Variants in FOCAD observed in about 807,000 individuals in gnomAD.
FOCAD encodes focadhesin, also known as KIAA1797.
Under a neutral mutation model 225.6 loss-of-function variants are expected in FOCAD, and 198 were observed. The observed-to-expected ratio is 0.88, with a 90% CI of 0.78 to 0.99. The LOEUF (loss-of-function observed/expected upper bound fraction) is 0.99, where lower values mean the gene tolerates loss of function less well. Ranked by LOEUF, FOCAD falls within the 50% of genes least tolerant of loss-of-function variation. The pLI, the probability that FOCAD is intolerant of heterozygous loss-of-function variation, is 0.00. For missense variants in FOCAD, 2,713 were observed against 2,123.6 expected (o/e 1.28, Z -5.46); for synonymous variants, 897 against 755.0 (o/e 1.19, Z -3.08).
intron 18 of FOCAD, among the ~76,000 whole-genome samples, chr9:20,868,894 T>C (rs893988272): frequency 6.6e-6 from 1 of 152,146 alleles, no homozygotes; most frequent in Non-Finnish European, 1.5e-5. Flanking sequence ...GAATCATTGC[T>C]TCTAAGACCA....
intron 2 of FOCAD, among the ~76,000 whole-genome samples, chr9:20,666,628 A>C (rs1821906698): frequency 6.6e-6 from 1 of 152,202 alleles, no homozygotes; most frequent in African/African-American, 2.4e-5. Flanking sequence ...TATGATTTGG[A>C]ATGAAGTTTC....
At chr9:20,990,510 C>T in intron 42 of FOCAD, 136 bp downstream of exon 42, 2 of 1,089,056 alleles carry the variant, frequency 1.8e-6, no homozygotes, top group Non-Finnish European at 2.6e-6. Flanking sequence ...CATATCTCAG[C>T]CAGATGCAGA....
At chr9:20,954,029 C>G (rs1299113677) in intron 35 of FOCAD, among the ~76,000 whole-genome samples, 1 of 152,062 alleles carries the variant, frequency 6.6e-6, no homozygotes, top group Non-Finnish European at 1.5e-5. Flanking sequence ...CTGGAGCTTC[C>G]AGATTTTGAA....
At chr9:20,974,058 G>A (rs1455189900) in intron 35 of FOCAD, among the ~76,000 whole-genome samples, 5 of 146,600 alleles carry the variant, frequency 3.4e-5, no homozygotes, top group Admixed American at 1.4e-4. Context: ...CTTTTCTGCT[G>A]CTGTTTTCAC....
At chr9:20,892,420 A>G (rs188453077) in intron 21 of FOCAD, among the ~76,000 whole-genome samples, 1 of 152,306 alleles carries the variant, frequency 6.6e-6, no homozygotes, top group Non-Finnish European at 1.5e-5. Context: ...TCCGTGATTT[A>G]TATGAAGAGG....
In FOCAD at chr9:20,982,359, A is replaced by G. The variant is rs1587780436; in HGVS notation, c.4641A>G (p.Arg1547=). 6.2e-7 allele frequency: 1 copy of G among 1,608,132 alleles called. No individual in the cohort carries two copies. Among genetic ancestry groups the G allele is most frequent in the Non-Finnish European group, 8.5e-7 (1 of 1,176,348 alleles). ...TGTTTGGGATTTTTCTTTATCAGAG[A>G]AAGGATCTAGAGCTGTATATCAGCA... ...IFDLLPNKIR[R]KDLELYISIA... Residue 1547 remains arginine (R), a splice_region_variant and synonymous_variant, in exon 39 of 44, where the codon AGA becomes AGG. Transcript: ENST00000338382.
At chr9:20,995,114 G>A (rs1841960932) in intron 43 of FOCAD, among the ~76,000 whole-genome samples, 1 of 152,062 alleles carries the variant, frequency 6.6e-6, no homozygotes, top group Non-Finnish European at 1.5e-5. Context: ...TTGCTCCATT[G>A]AGTACATGAA....
chr9:20,957,028 T>A, intron 35 of FOCAD, among the ~76,000 whole-genome samples: 1 of 152,140 alleles, frequency 6.6e-6, no homozygotes, highest in Non-Finnish European at 1.5e-5. Context: ...TTATAAACTT[T>A]CCCTGTTTTC....
chr9:20,994,001 CTGTG>C (rs774998613), intron 43 of FOCAD, among the ~76,000 whole-genome samples: 49 of 152,256 alleles, frequency 3.2e-4, no homozygotes, highest in African/African-American at 1.1e-3. Context: ...TTTCCTGCTT[CTGTG>C]TGTGTTGTCT....
intron 11 of FOCAD, among the ~76,000 whole-genome samples, chr9:20,808,269 C>T (rs1246119351): frequency 6.6e-6 from 1 of 152,078 alleles, no homozygotes; most frequent in African/African-American, 2.4e-5. Flanking sequence ...ACCTTTTCTT[C>T]CTTTTTCAGT....
intron 10 of FOCAD, chr9:20,787,020 C>G (rs1479901558): frequency 2.2e-6 from 1 of 450,112 alleles, no homozygotes; most frequent in African/African-American, 2.0e-5. Context: ...TGCCCTGGGA[C>G]TGTGCCAGTG....
chr9:20,720,318 GGT>G lies in FOCAD; in HGVS notation c.133-47_133-46del, dbSNP rs112284387. On this transcript the variant is annotated intron_variant, in intron 3 of 43. Coordinates refer to ENST00000338382, the MANE Select transcript of FOCAD (RefSeq NM_001375567.1). ...AATTACTCATTGATGAATGACCAAA[GGT>G]GTGTGTGTGTGTGTTTGCTGCTCAT... The G allele has an allele frequency of 0.014, 18,674 of 1,368,524 alleles. 710 individuals are homozygous for G. The African/African-American group carries it at 0.14, about 10-fold the overall frequency. 84.8% of individuals were successfully genotyped at this position (1,368,524 alleles called of 1,614,324 possible).
At chr9:20,974,638 T>C (rs1181732692) in intron 35 of FOCAD, among the ~76,000 whole-genome samples, 2 of 149,964 alleles carry the variant, frequency 1.3e-5, no homozygotes, top group Non-Finnish European at 2.9e-5. Flanking sequence ...TCTGCTGCTG[T>C]TTTCACGTTT....
chr9:20,935,959 A>T (rs117101508), intron 28 of FOCAD, among the ~76,000 whole-genome samples: 1,566 of 152,362 alleles, frequency 0.01, 9 homozygotes, highest in Admixed American at 0.014. Flanking sequence ...GAAAGATAAA[A>T]ATGAAAAATA....
intron 9 of FOCAD, among the ~76,000 whole-genome samples, chr9:20,779,277 A>G (rs1819111571): frequency 1.3e-5 from 2 of 152,374 alleles, no homozygotes; most frequent in South Asian, 4.1e-4. Context: ...AGAATGTGGT[A>G]AAGAAGCTAG....
intron 15 of FOCAD, among the ~76,000 whole-genome samples, chr9:20,848,214 A>G (rs1276857091): frequency 6.6e-6 from 1 of 152,084 alleles, no homozygotes; most frequent in Non-Finnish European, 1.5e-5. Context: ...GCGGCCATGT[A>G]GAAATATGAC....
At chr9:20,769,941 A>G in intron 7 of FOCAD, 91 bp from the exon 8 acceptor site, 1 of 1,216,258 alleles carries the variant, frequency 8.2e-7, no homozygotes, top group Non-Finnish European at 1.2e-6. Flanking sequence ...GTTTAGAGAA[A>G]AAATTACATT....
At chr9:20,762,347 G>A (rs1439444957) in intron 6 of FOCAD, among the ~76,000 whole-genome samples, 2 of 152,160 alleles carry the variant, frequency 1.3e-5, no homozygotes, top group Non-Finnish European at 2.9e-5. Flanking sequence ...ATTTTGAAGT[G>A]AAAAGTCCTT....
intron 2 of FOCAD, among the ~76,000 whole-genome samples, chr9:20,666,749 A>T (rs1479834188): frequency 6.6e-6 from 1 of 152,228 alleles, no homozygotes; most frequent in East Asian, 1.9e-4. Flanking sequence ...ATGTGGTTCC[A>T]GTGGTGGCAA....
Sources: allele counts gnomAD v4.1 joint callset (sites outside exome capture counted in the v4.1 genomes callset), GRCh38; gene constraint gnomAD v4.1.1; transcripts MANE v1.5; gene names NCBI Gene and HGNC (gene_info 2026-07-23, HGNC 2026-07-21).